The following SERPINB12 variants were observed in gnomAD, a reference collection of about 807,000 sequenced individuals.
SERPINB12 encodes serpin family B member 12.
In SERPINB12, 57 loss-of-function variants were observed where a neutral mutation model predicts 41.1. The ratio of observed to expected loss-of-function variants is 1.39; its 90% CI spans 1.12 to 1.73. The LOEUF (loss-of-function observed/expected upper bound fraction) is 1.73. Ranked by LOEUF, SERPINB12 falls within the 40% of genes most tolerant of loss-of-function variation. The pLI is 0.00. For synonymous variants in SERPINB12, 180 were observed against 181.3 expected (o/e 0.99, Z 0.06); for missense variants, 536 against 501.9 (o/e 1.07, Z -0.65).
chr18:63,532,508 G>A, the SERPINB12 span, among the ~76,000 whole-genome samples: 4 of 152,186 alleles, frequency 2.6e-5, no homozygotes, highest in Non-Finnish European at 5.9e-5. Flanking sequence ...AAGGAAGTGG[G>A]TATTATGTGA....
Position 63,565,383 on chromosome 18 carries a change from G to A in SERPINB12, c.706-62G>A, listed in dbSNP as rs1911060948. 7 of 1,486,954 alleles carry A rather than the reference G, an allele frequency of 4.7e-6. No homozygotes were observed. In the South Asian group the frequency reaches 6.3e-5, roughly 13 times the overall value. 92.1% of individuals were successfully genotyped at this position (1,486,954 alleles called of 1,614,324 possible). On this transcript the variant is annotated intron_variant, in intron 6 of 7. Transcript: ENST00000382768. The stretch of plus-strand genomic sequence containing the variant: ...GAACCCCTGTCCTCCGTGAAGCTGG[G>A]GCCATATGAATTTGGGAGTTTCCCA...
chr18:63,563,914 A>AG (rs1441095947), intron 5 of SERPINB12, 64 bp from the exon 6 acceptor site: 3 of 165,252 alleles, frequency 1.8e-5, no homozygotes, highest in Admixed American at 1.3e-4. Flanking sequence ...AAAAAAAAAA[A>AG]TTATCTACAC....
At chr18:63,565,407 CA>C (rs1568132736) in intron 6 of SERPINB12, 37 bp from the exon 7 acceptor site, 1 of 1,585,802 alleles carries the variant, frequency 6.3e-7, no homozygotes, top group Non-Finnish European at 8.6e-7. Flanking sequence ...GGGAGTTTCC[CA>C]TAGCCGTCCT....
chr18:63,537,775 T>G (rs1910202813), upstream of SERPINB12, among the ~76,000 whole-genome samples: 1 of 152,162 alleles, frequency 6.6e-6, no homozygotes, highest in African/African-American at 2.4e-5. Flanking sequence ...ATTTATTAAT[T>G]TACACTTAAT....
chr18:63,546,548 T>C (rs987847264), intron 1 of SERPINB12, among the ~76,000 whole-genome samples: 2 of 152,226 alleles, frequency 1.3e-5, no homozygotes, highest in Admixed American at 1.3e-4. Flanking sequence ...AGAAAGATTT[T>C]AGAATAATGC....
intron 1 of SERPINB12, among the ~76,000 whole-genome samples, chr18:63,551,796 T>G (rs915106540): frequency 6.6e-6 from 1 of 152,256 alleles, no homozygotes; most frequent in South Asian, 2.1e-4. Context: ...CTTGCTAAAG[T>G]GGTCCTATTT....
intron 1 of SERPINB12, among the ~76,000 whole-genome samples, chr18:63,554,618 A>T (rs1211189957): frequency 2.0e-5 from 3 of 151,970 alleles, no homozygotes; most frequent in African/African-American, 4.8e-5. Flanking sequence ...TGAAAGGCAT[A>T]GGTCAGTGGT....
intron 4 of SERPINB12, 135 bp downstream of exon 4, chr18:63,559,853 T>C: frequency 1.2e-6 from 1 of 824,598 alleles, no homozygotes; most frequent in Non-Finnish European, 1.9e-6. Flanking sequence ...ACTGGTGAGG[T>C]GTCCAGGACC....
At chr18:63,551,066 G>T (rs9960319) in intron 1 of SERPINB12, among the ~76,000 whole-genome samples, 93,253 of 151,584 alleles carry the variant, frequency 0.62, 30,708 homozygotes, top group Non-Finnish European at 0.74. Context: ...TCAGGAGATC[G>T]AGACTATCCT....
rs779377666 is a variant in SERPINB12 at position 63,565,520 on chromosome 18, C to A, written c.781C>A (p.Gln261Lys). ...TGGCTTCATAGAGGAGGTGAAGGCACAGATCCTGGAAATGAGGTACACCAA... is the reference window on the plus strand; with the variant it reads ...TGGCTTCATAGAGGAGGTGAAGGCAAAGATCCTGGAAATGAGGTACACCAA... ...RIGFIEEVKA[Q>K]ILEMRYTKGK... The change falls in exon 7 of 8, where the codon CAG becomes AAG. Residue 261 changes from glutamine (Q) to lysine (K), a missense_variant. Transcript: ENST00000382768. The A allele has an allele frequency of 1.2e-6, 2 of 1,613,902 alleles. No individual in the cohort carries two copies. The highest frequency in any genetic ancestry group is 8.5e-7 in the Non-Finnish European group (1 of 1,179,920).
the SERPINB12 span, among the ~76,000 whole-genome samples, chr18:63,533,218 C>A: frequency 2.0e-5 from 3 of 152,152 alleles, no homozygotes; most frequent in Non-Finnish European, 1.5e-5. Context: ...CCTCGTGATC[C>A]GCCCACCTTG....
the SERPINB12 span, among the ~76,000 whole-genome samples, chr18:63,529,754 C>T: frequency 3.8e-4 from 58 of 151,580 alleles, 1 homozygote; most frequent in Middle Eastern, 3.4e-3. Flanking sequence ...ACCAGTGAAA[C>T]GTAATTATGC....
chr18:63,525,446 T>C, the SERPINB12 span, among the ~76,000 whole-genome samples: 1 of 152,150 alleles, frequency 6.6e-6, no homozygotes. Context: ...GAAACATAGC[T>C]TCTCATACAA....
the SERPINB12 span, among the ~76,000 whole-genome samples, chr18:63,520,442 A>G: frequency 6.6e-6 from 1 of 152,218 alleles, no homozygotes; most frequent in Non-Finnish European, 1.5e-5. Context: ...TGCATGTGTC[A>G]GTGGAGAATG....
upstream of SERPINB12, among the ~76,000 whole-genome samples, chr18:63,541,814 G>A (rs1247297656): frequency 6.6e-6 from 1 of 152,086 alleles, no homozygotes; most frequent in Admixed American, 6.6e-5. Flanking sequence ...TATTTGCTAG[G>A]TACAGTCTGA....
chr18:63,545,204 C>T (rs1262069701), intron 1 of SERPINB12, among the ~76,000 whole-genome samples: 1 of 151,672 alleles, frequency 6.6e-6, no homozygotes, highest in Non-Finnish European at 1.5e-5. Context: ...GGCCTGTTGA[C>T]ATAGAACTAT....
At chr18:63,565,061 C>T (rs1360856080) in intron 6 of SERPINB12, among the ~76,000 whole-genome samples, 23 of 152,078 alleles carry the variant, frequency 1.5e-4, no homozygotes. Context: ...GTGGTCCACG[C>T]CTGTGGCCCC....
At chr18:63,536,068 A>G in the SERPINB12 span, among the ~76,000 whole-genome samples, 1 of 151,978 alleles carries the variant, frequency 6.6e-6, no homozygotes, top group South Asian at 2.1e-4. Context: ...CAAATGAGAC[A>G]AAATGTTAAT....
intron 1 of SERPINB12, among the ~76,000 whole-genome samples, chr18:63,550,411 A>G (rs551686366): frequency 5.3e-5 from 8 of 152,314 alleles, no homozygotes; most frequent in African/African-American, 1.4e-4. Context: ...TTTTCCATAT[A>G]CAGTACTCTT....
Sources: allele counts gnomAD v4.1 joint callset (sites outside exome capture counted in the v4.1 genomes callset), GRCh38; gene constraint gnomAD v4.1.1; transcripts MANE v1.5; gene names NCBI Gene and HGNC (gene_info 2026-07-23, HGNC 2026-07-21).